Variants in CSMD3 observed in about 807,000 individuals in gnomAD.
The protein encoded by CSMD3 is CUB and sushi domain-containing protein 3.
In CSMD3, 177 loss-of-function variants were observed where a neutral mutation model predicts 435.2. The ratio of observed to expected loss-of-function variants is 0.41; its 90% CI spans 0.36 to 0.46. CSMD3 has a LOEUF of 0.46. CSMD3 is among the 20% of genes least tolerant of loss of function. CSMD3 has a pLI of 0.34. For missense variants in CSMD3, 4,265 were observed against 4,504.6 expected, an observed-to-expected ratio of 0.95 and a Z score of 1.52; for synonymous variants, 1,656 against 1,520.5, an observed-to-expected ratio of 1.09 and a Z score of -2.07.
At chr8:113,117,285 GCC>G (rs1184479571) in intron 4 of CSMD3, among the ~76,000 whole-genome samples, 4 of 152,282 alleles carry the variant, frequency 2.6e-5, no homozygotes, top group South Asian at 2.1e-4. Context: ...GCTAAAATGG[GCC>G]AAGGTACAGC....
intron 59 of CSMD3, among the ~76,000 whole-genome samples, chr8:112,276,127 C>T (rs917481367): frequency 1.3e-5 from 2 of 152,248 alleles, no homozygotes; most frequent in East Asian, 1.9e-4. Flanking sequence ...AATGAAGGGG[C>T]TACAGGCCCC....
chr8:112,664,182 AAT>A (rs902047163), intron 17 of CSMD3, among the ~76,000 whole-genome samples: 2 of 152,140 alleles, frequency 1.3e-5, no homozygotes, highest in African/African-American at 4.8e-5. Flanking sequence ...ATATTATATA[AAT>A]ATATATGAGA....
chr8:112,405,107 T>A (rs1182296282), intron 35 of CSMD3, among the ~76,000 whole-genome samples: 1 of 139,252 alleles, frequency 7.2e-6, no homozygotes, highest in Non-Finnish European at 1.5e-5. Flanking sequence ...GGCTTTAACC[T>A]GGGAGGCGGA....
chr8:112,645,187 T>C lies in CSMD3; in HGVS notation c.3232A>G (p.Ile1078Val). Reference protein sequence around the residue: ...GGDVRGPSGTILSPGYPEFYP... With the variant: ...GGDVRGPSGTVLSPGYPEFYP... ...AATTCCGGGTAACCAGGTGATAAGA[T>C]TGTTCCACTAGGCCCTCTAACATCT... Residue 1078 changes from isoleucine (I) to valine (V), a missense_variant, in exon 20 of 71, where the codon ATC becomes GTC. Physicochemically the swap from Ile to Val is conservative, Grantham distance 29 (BLOSUM62 3). Transcript: ENST00000297405. The C allele has an allele frequency of 6.2e-7, 1 of 1,606,492 alleles. No individual in the cohort carries two copies. Among genetic ancestry groups the C allele is most frequent in the South Asian group, 1.1e-5 (1 of 90,930 alleles).
At chr8:112,416,833 G>A (rs1244655346) in intron 32 of CSMD3, among the ~76,000 whole-genome samples, 3 of 152,040 alleles carry the variant, frequency 2.0e-5, no homozygotes, top group South Asian at 2.1e-4. Flanking sequence ...CTTAGACTGG[G>A]GCATGGTTAA....
intron 51 of CSMD3, among the ~76,000 whole-genome samples, chr8:112,305,452 C>G (rs888641722): frequency 4.6e-5 from 7 of 152,088 alleles, no homozygotes; most frequent in East Asian, 1.9e-4. Flanking sequence ...AGAGTTTATT[C>G]ACATCAATAT....
chr8:112,479,785 C>T (rs1019459991), intron 31 of CSMD3, among the ~76,000 whole-genome samples: 4 of 152,212 alleles, frequency 2.6e-5, no homozygotes, highest in Admixed American at 2.6e-4. Flanking sequence ...ATCCCGGGTG[C>T]CCAGGCAGAA....
chr8:112,621,388 C>T (rs976241240), intron 22 of CSMD3, among the ~76,000 whole-genome samples: 1 of 152,108 alleles, frequency 6.6e-6, no homozygotes, highest in Admixed American at 6.6e-5. Flanking sequence ...GGTAAAATCT[C>T]TATTAATTCA....
intron 3 of CSMD3, among the ~76,000 whole-genome samples, chr8:113,230,081 C>G (rs944690524): frequency 6.6e-6 from 1 of 151,488 alleles, no homozygotes; most frequent in Non-Finnish European, 1.5e-5. Context: ...CTGAAAGATG[C>G]TGAGATAATA....
chr8:112,941,349 G>A (rs1314402988), intron 9 of CSMD3, among the ~76,000 whole-genome samples: 1 of 151,820 alleles, frequency 6.6e-6, no homozygotes, highest in African/African-American at 2.4e-5. Context: ...TTTTGTATAA[G>A]TAGGCGACAG....
intron 2 of CSMD3, among the ~76,000 whole-genome samples, chr8:113,307,939 T>C (rs12541829): frequency 0.3 from 45,988 of 152,000 alleles, 8,066 homozygotes; most frequent in East Asian, 0.7. Flanking sequence ...ATTAAATCTA[T>C]ATCTACCTAA....
In CSMD3 at chr8:113,096,578, T is replaced by A. The variant is rs547293049; in HGVS notation, c.917+2178A>T. Among the ~76,000 whole-genome samples, 127 of 152,120 alleles carry A rather than the reference T, an allele frequency of 8.3e-4. 1 individual carries two copies. Among genetic ancestry groups the A allele is most frequent in the African/African-American group, 2.8e-3 (118 of 41,508 alleles). ...GTGACTTTTTTTTTAAGTAATAAGG[T>A]CAATCATGTCATTACTGTGCTCAAG... On this transcript the variant is annotated intron_variant, in intron 5 of 70. Transcript: ENST00000297405.
chr8:113,036,210 C>A (rs1033334220), intron 5 of CSMD3, among the ~76,000 whole-genome samples: 1 of 151,822 alleles, frequency 6.6e-6, no homozygotes, highest in African/African-American at 2.4e-5. Context: ...AGGGTTATTG[C>A]AATTAAAGAA....
At chr8:112,775,392 T>A (rs900830670) in intron 13 of CSMD3, among the ~76,000 whole-genome samples, 1 of 151,890 alleles carries the variant, frequency 6.6e-6, no homozygotes. Flanking sequence ...ATGAATCACA[T>A]AAATTGTGAT....
At chr8:112,671,210 C>T (rs1050860853) in intron 16 of CSMD3, among the ~76,000 whole-genome samples, 16 of 152,086 alleles carry the variant, frequency 1.1e-4, no homozygotes, top group African/African-American at 3.9e-4. Context: ...TCCTTCCCAC[C>T]TCCCTTTCCT....
intron 6 of CSMD3, among the ~76,000 whole-genome samples, chr8:112,980,722 G>C (rs541752145): frequency 2.7e-4 from 41 of 151,578 alleles, no homozygotes; most frequent in African/African-American, 9.6e-4. Context: ...AGGGTATGAA[G>C]TGAAACAAAG....
intron 16 of CSMD3, among the ~76,000 whole-genome samples, chr8:112,681,685 G>C (rs1474556209): frequency 6.6e-6 from 1 of 151,922 alleles, no homozygotes; most frequent in Non-Finnish European, 1.5e-5. Context: ...GGCCAACATG[G>C]AAAAACCGTG....
At chr8:113,378,918 T>C (rs2094402506) in intron 1 of CSMD3, among the ~76,000 whole-genome samples, 1 of 152,122 alleles carries the variant, frequency 6.6e-6, no homozygotes, top group Non-Finnish European at 1.5e-5. Flanking sequence ...AGAAGTGCAA[T>C]GTGCCCCAAA....
intron 27 of CSMD3, among the ~76,000 whole-genome samples, chr8:112,525,863 G>C (rs1278752628): frequency 2.3e-5 from 3 of 131,216 alleles, no homozygotes; most frequent in Non-Finnish European, 3.2e-5. Context: ...TATATATATA[G>C]TTTTTGTTTT....
Sources: allele counts gnomAD v4.1 joint callset (sites outside exome capture counted in the v4.1 genomes callset), GRCh38; gene constraint gnomAD v4.1.1; transcripts MANE v1.5; gene names NCBI Gene and HGNC (gene_info 2026-07-23, HGNC 2026-07-21).